Variants in USP25 observed in about 807,000 individuals in gnomAD.
The protein encoded by USP25 is ubiquitin carboxyl-terminal hydrolase 25.
USP25 carries 85 observed loss-of-function variants against 158.5 expected under a neutral mutation model. That is an observed-to-expected ratio of 0.54 (90% confidence interval 0.45 to 0.64). USP25 has a LOEUF of 0.64. USP25 is among the 30% of genes least tolerant of loss of function. The probability of loss-of-function intolerance (pLI) is 0.00; values close to 1 mark genes in which losing one functional copy is unlikely to be tolerated. For missense variants in USP25, 1,242 were observed against 1,327.3 expected, an observed-to-expected ratio of 0.94 and a Z score of 1.00; for synonymous variants, 464 against 460.4, an observed-to-expected ratio of 1.01 and a Z score of -0.10.
intron 3 of USP25, among the ~76,000 whole-genome samples, chr21:15,769,392 T>C (rs1056074467): frequency 1.3e-5 from 2 of 152,130 alleles, no homozygotes; most frequent in African/African-American, 4.8e-5. Flanking sequence ...TGTAATTCTG[T>C]TGAATTCTGG....
At chr21:15,756,384 A>G (rs2033379070) in intron 1 of USP25, among the ~76,000 whole-genome samples, 1 of 152,178 alleles carries the variant, frequency 6.6e-6, no homozygotes, top group African/African-American at 2.4e-5. Flanking sequence ...TCAGCAAGCC[A>G]GAATGCCATA....
chr21:15,859,199 GT>G (rs35441856), intron 20 of USP25, among the ~76,000 whole-genome samples: 24 of 142,654 alleles, frequency 1.7e-4, no homozygotes, highest in Non-Finnish European at 1.8e-4. Flanking sequence ...TTTGTTTTGT[GT>G]TTTTTTTTTT....
At chr21:15,819,687 G>A (rs1159379086) in intron 10 of USP25, among the ~76,000 whole-genome samples, 1 of 152,088 alleles carries the variant, frequency 6.6e-6, no homozygotes, top group Non-Finnish European at 1.5e-5. Context: ...TCTTTATACT[G>A]AATAGGTGCT....
intron 5 of USP25, 66 bp downstream of exon 5, chr21:15,791,730 G>A: frequency 6.6e-7 from 1 of 1,509,792 alleles, no homozygotes; most frequent in Non-Finnish European, 8.9e-7. Flanking sequence ...TGAGTTGGTT[G>A]TGTTTAAGTT....
intron 23 of USP25, among the ~76,000 whole-genome samples, chr21:15,872,372 A>G (rs894421093): frequency 2.0e-5 from 3 of 152,230 alleles, no homozygotes; most frequent in African/African-American, 7.2e-5. Context: ...GTACCTCAGT[A>G]GAGAATTGGA....
chr21:15,822,849 T>G (rs1182420941), intron 10 of USP25, among the ~76,000 whole-genome samples: 1 of 152,018 alleles, frequency 6.6e-6, no homozygotes, highest in Non-Finnish European at 1.5e-5. Flanking sequence ...TCAGGTATTA[T>G]CCATATAAAA....
intron 4 of USP25, among the ~76,000 whole-genome samples, chr21:15,786,697 A>G (rs1450901205): frequency 6.6e-6 from 1 of 152,146 alleles, no homozygotes; most frequent in East Asian, 1.9e-4. Flanking sequence ...AAGCTTTTCC[A>G]CTAAGATCAA....
chr21:15,823,491 T>C (rs2037338732), intron 10 of USP25, among the ~76,000 whole-genome samples: 1 of 152,148 alleles, frequency 6.6e-6, no homozygotes, highest in Admixed American at 6.5e-5. Context: ...ATTAACTTTT[T>C]GTTAGTGATA....
chr21:15,784,950 A>T (rs1016520055), intron 4 of USP25, among the ~76,000 whole-genome samples: 1 of 151,948 alleles, frequency 6.6e-6, no homozygotes, highest in Non-Finnish European at 1.5e-5. Flanking sequence ...CAATTAAAAA[A>T]TATAGAGCAG....
At chr21:15,841,366 C>T (rs555823597) in intron 17 of USP25, among the ~76,000 whole-genome samples, 137 of 152,244 alleles carry the variant, frequency 9.0e-4, no homozygotes, top group African/African-American at 3.0e-3. Flanking sequence ...CTCTCTAATT[C>T]GTTCTTCACA....
intron 17 of USP25, among the ~76,000 whole-genome samples, chr21:15,834,258 T>C (rs572999232): frequency 6.6e-6 from 1 of 151,678 alleles, no homozygotes; most frequent in South Asian, 2.1e-4. Flanking sequence ...ATTGAAAATA[T>C]ATTGTCTTTT....
In USP25 at chr21:15,870,115, C is replaced by G; in HGVS notation, c.2853C>G (p.Leu951=). The change falls in exon 23 of 26, where the codon CTC becomes CTG. Residue 951 remains leucine (L), a synonymous_variant. Transcript: ENST00000400183. ...YRKFRETTMY[L]IIGLENFQRE... ...AATTCAGGGAAACAACTATGTATCT[C>G]ATAATTGGGCTAGAAAATTTTCAAA... The G allele has an allele frequency of 1.2e-6, 2 of 1,609,348 alleles. No homozygotes were observed. The highest frequency in any genetic ancestry group is 2.2e-5 in the East Asian group (1 of 44,446).
At position 15,846,143 on chromosome 21, in the gene USP25, TATATATATATATA is replaced by T. The variant is rs2038586682; in HGVS notation, c.2338-1519_2338-1507del. 1.9e-4 allele frequency among the ~76,000 whole-genome samples: 12 copies of T among 62,856 alleles called. 2 individuals carry two copies. The highest frequency in any genetic ancestry group is 9.2e-4 in the East Asian group (2 of 2,172). The allele number at this position is 62,856 out of a possible 152,430, so 41.2% of individuals were successfully genotyped here. A position where few individuals can be genotyped will look rare whatever the true frequency, so the allele number is the denominator to read the frequency against. ...GTGTGTATATATATATATATATATATATATATATATATATATTTTTTTTTTTTTTTTTTTTTTG... is the reference window on the plus strand; with the variant it reads ...GTGTGTATATATATATATATATATATTATTTTTTTTTTTTTTTTTTTTTTG... On this transcript the variant is annotated intron_variant, in intron 18 of 25. Coordinates refer to ENST00000400183, the MANE Select transcript of USP25 (RefSeq NM_001283041.3).
chr21:15,873,683 G>A (rs1438310677), intron 23 of USP25, among the ~76,000 whole-genome samples: 1 of 151,904 alleles, frequency 6.6e-6, no homozygotes, highest in South Asian at 2.1e-4. Flanking sequence ...AGTAGAGGCG[G>A]GGTTTCTCCA....
chr21:15,794,292 A>G (rs1568814234), intron 5 of USP25, among the ~76,000 whole-genome samples: 1 of 151,710 alleles, frequency 6.6e-6, no homozygotes, highest in African/African-American at 2.4e-5. Context: ...AACAGAATGT[A>G]AGAAAGGGAA....
At chr21:15,840,599 AT>A (rs1051422266) in intron 17 of USP25, among the ~76,000 whole-genome samples, 2 of 152,144 alleles carry the variant, frequency 1.3e-5, no homozygotes, top group African/African-American at 4.8e-5. Context: ...ATTGTTCTGT[AT>A]GACATTTAGC....
At chr21:15,737,123 A>G (rs1158194774) in intron 1 of USP25, among the ~76,000 whole-genome samples, 1 of 151,826 alleles carries the variant, frequency 6.6e-6, no homozygotes, top group Non-Finnish European at 1.5e-5. Flanking sequence ...CATTATTTGG[A>G]TTTTATACGT....
intron 3 of USP25, among the ~76,000 whole-genome samples, chr21:15,775,950 C>T (rs6517648): frequency 0.23 from 35,291 of 151,862 alleles, 5,545 homozygotes; most frequent in African/African-American, 0.45. Flanking sequence ...ATTAATCACA[C>T]ACCTAAACCC....
intron 3 of USP25, among the ~76,000 whole-genome samples, chr21:15,770,350 A>T (rs1244619187): frequency 6.6e-6 from 1 of 152,178 alleles, no homozygotes; most frequent in Admixed American, 6.5e-5. Context: ...GGAGCTTCAG[A>T]TTGATTAGAT....
Sources: allele counts gnomAD v4.1 joint callset (sites outside exome capture counted in the v4.1 genomes callset), GRCh38; gene constraint gnomAD v4.1.1; transcripts MANE v1.5; gene names NCBI Gene and HGNC (gene_info 2026-07-23, HGNC 2026-07-21).